TEX11: variants seen among roughly 807,000 people sequenced by gnomAD.
TEX11 encodes testis expressed 11.
TEX11 carries 7 observed loss-of-function variants against 84.4 expected under a neutral mutation model. That is an observed-to-expected ratio of 0.08 (90% CI 0.05 to 0.16). TEX11 has a LOEUF of 0.16. TEX11 is among the 10% of genes least tolerant of loss of function. TEX11 has a pLI of 1.00. For missense variants in TEX11, 551 were observed against 660.5 expected, an observed-to-expected ratio of 0.83 and a Z score of 1.82; for synonymous variants, 264 against 222.8, an observed-to-expected ratio of 1.18 and a Z score of -1.64.
Position 70,743,871 on chromosome X carries a change from AACACACACACAC to A in TEX11, c.747+282_747+293del, listed in dbSNP as rs60520158. On this transcript the variant is annotated intron_variant, in intron 10 of 29. Coordinates refer to ENST00000374333, the MANE Select transcript of TEX11 (RefSeq NM_031276.3). ...GCAACAGAGCGAGACTCTATCTCAA[AACACACACACAC>A]ACACACACACACACACACACACACA... Among the ~76,000 whole-genome samples the A allele has an allele frequency of 8.7e-4, 76 of 87,732 alleles. 1 individual carries two copies. The highest frequency in any genetic ancestry group is 3.0e-3 in the African/African-American group (73 of 24,372). 76.2% of individuals were successfully genotyped at this position (87,732 alleles called of 115,157 possible).
At chrX:70,649,021 T>C (rs912655879) in intron 17 of TEX11, among the ~76,000 whole-genome samples, 1 of 111,557 alleles carries the variant, frequency 9.0e-6, no homozygotes, top group African/African-American at 3.3e-5. Flanking sequence ...TCCAGCTTCA[T>C]CCATGTGCCT....
At chrX:70,805,579 T>C (rs1251601692) in intron 9 of TEX11, among the ~76,000 whole-genome samples, 1 of 110,923 alleles carries the variant, frequency 9.0e-6, no homozygotes, top group Non-Finnish European at 1.9e-5. Context: ...TTTTGTATTT[T>C]TAGTAGAGAT....
At position 70,879,967 on chromosome X, in the gene TEX11, CAG is replaced by C; in HGVS notation, c.159+19_159+20del. 1 of 1,141,663 alleles carries C rather than the reference CAG, an allele frequency of 8.8e-7. No homozygotes were observed. Among genetic ancestry groups the C allele is most frequent in the Non-Finnish European group, 1.2e-6 (1 of 854,049 alleles). 94.1% of individuals were successfully genotyped at this position (1,141,663 alleles called of 1,213,427 possible). On this transcript the variant is annotated intron_variant, in intron 3 of 29. Coordinates refer to ENST00000374333, the MANE Select transcript of TEX11 (RefSeq NM_031276.3). ...AAGAATCATCGAAACTTATCATAAA[CAG>C]AATTATTTTTATACTAACCTGAATG...
intron 25 of TEX11, among the ~76,000 whole-genome samples, chrX:70,560,596 G>A (rs184109108): frequency 2.3e-4 from 25 of 111,075 alleles, no homozygotes; most frequent in African/African-American, 6.2e-4. Flanking sequence ...TTTTCTCAAC[G>A]GTATCTTTTG....
rs1038281679 is a variant in TEX11, at chrX:70,780,376, C to T, written c.692+26329G>A. Among the ~76,000 whole-genome samples the T allele has an allele frequency of 8.9e-5, 10 of 112,767 alleles. No individual in the cohort carries two copies. The South Asian group carries it at 1.1e-3, about 12-fold the overall frequency. ...AAATAGGAAGAGCTCTGCTCTGCAG[C>T]GCCCAGCGTGATCGACGCAGAAGAT... is the stretch of plus-strand genomic sequence containing the variant. On this transcript the variant is annotated intron_variant, in intron 9 of 29. Coordinates refer to ENST00000374333, the MANE Select transcript of TEX11 (RefSeq NM_031276.3).
At chrX:70,885,713 G>A (rs903069889) in intron 2 of TEX11, among the ~76,000 whole-genome samples, 1 of 109,709 alleles carries the variant, frequency 9.1e-6, no homozygotes, top group African/African-American at 3.3e-5. Flanking sequence ...GCAACATGGT[G>A]AAACCCCGTC....
chrX:70,709,812 T>C (rs2090410110), intron 13 of TEX11, among the ~76,000 whole-genome samples: 2 of 111,394 alleles, frequency 1.8e-5, no homozygotes, highest in South Asian at 7.5e-4. Context: ...CTGGTCTTTC[T>C]TTTTACTTGA....
intron 11 of TEX11, among the ~76,000 whole-genome samples, chrX:70,729,330 G>C (rs1037907192): frequency 3.6e-5 from 4 of 111,545 alleles, no homozygotes; most frequent in African/African-American, 9.7e-5. Flanking sequence ...TTGACGAGTT[G>C]AGAGAAGGCT....
chrX:70,740,296 T>C (rs1404047628), intron 11 of TEX11, among the ~76,000 whole-genome samples: 1 of 111,237 alleles, frequency 9.0e-6, no homozygotes, highest in Non-Finnish European at 1.9e-5. Flanking sequence ...GAGGGCCTGC[T>C]TACTCAAAGA....
At chrX:70,731,674 C>G (rs1451501380) in intron 11 of TEX11, among the ~76,000 whole-genome samples, 1 of 110,843 alleles carries the variant, frequency 9.0e-6, no homozygotes, top group African/African-American at 3.3e-5. Context: ...AGCTTACCAA[C>G]CAAAAAAAGT....
rs1274337940 is a variant in TEX11 at position 70,593,124 on chromosome X, A to G, written c.2068-1301T>C. Among the ~76,000 whole-genome samples, 8 of 109,617 alleles carry G rather than the reference A, an allele frequency of 7.3e-5. No individual in the cohort carries two copies. In the East Asian group the frequency reaches 2.3e-3, roughly 32 times the overall value. On this transcript the variant is annotated intron_variant, in intron 24 of 29. Coordinates refer to ENST00000374333, the MANE Select transcript of TEX11 (RefSeq NM_031276.3). ...ACACGCACACACACAGTAATCACCT[A>G]GCAATTAGTCAAGACTAACAGCTGG...
intron 25 of TEX11, among the ~76,000 whole-genome samples, chrX:70,587,096 C>A (rs903327124): frequency 1.8e-5 from 2 of 111,872 alleles, no homozygotes; most frequent in Non-Finnish European, 3.8e-5. Flanking sequence ...GAGAGACGAT[C>A]TGAAATTGGA....
At chrX:70,710,691 C>A (rs1412505960) in intron 13 of TEX11, among the ~76,000 whole-genome samples, 1 of 110,490 alleles carries the variant, frequency 9.1e-6, no homozygotes, top group Non-Finnish European at 1.9e-5. Flanking sequence ...GAATCTGCAT[C>A]TTAACATGAT....
intron 9 of TEX11, among the ~76,000 whole-genome samples, chrX:70,805,515 C>T (rs918764826): frequency 6.3e-5 from 7 of 110,597 alleles, no homozygotes; most frequent in East Asian, 2.8e-4. Context: ...ATTCTCCTGC[C>T]TCAGCCTCCC....
chrX:70,823,993 C>T (rs1256363591), intron 8 of TEX11, among the ~76,000 whole-genome samples: 2 of 111,401 alleles, frequency 1.8e-5, no homozygotes, highest in Non-Finnish European at 3.8e-5. Flanking sequence ...GCACTCCAGC[C>T]TGGGCGACAT....
In TEX11 at chrX:70,725,247, A is replaced by G. The variant is rs1023615629; in HGVS notation, c.925+15T>C. 8.7e-7 allele frequency: 1 copy of G among 1,145,162 alleles called. No individual in the cohort carries two copies. The highest frequency in any genetic ancestry group is 2.3e-5 in the Admixed American group (1 of 43,507). 94.4% of individuals were successfully genotyped at this position (1,145,162 alleles called of 1,213,427 possible). A position where few individuals can be genotyped will look rare whatever the true frequency, so the allele number is the denominator to read the frequency against. On this transcript the variant is annotated intron_variant, in intron 12 of 29. Coordinates refer to ENST00000374333, the MANE Select transcript of TEX11 (RefSeq NM_031276.3). The stretch of plus-strand genomic sequence containing the variant: ...TGTTTCAAAATGGTGTGCTCTTCAC[A>G]TACAGAGATCATACCTTCAAGGAGT...
chrX:70,853,224 A>G (rs1266070307), intron 6 of TEX11, 24 bp downstream of exon 6: 2 of 1,207,232 alleles, frequency 1.7e-6, no homozygotes, highest in Non-Finnish European at 2.2e-6. Context: ...TAATTGCCTC[A>G]GCTAAAAGTC....
rs1016457771 is a variant in TEX11 at position 70,585,008 on chromosome X, C to T, written c.2140+6743G>A. On this transcript the variant is annotated intron_variant, in intron 25 of 29. Transcript: ENST00000374333. ...TATTCAACATTGTACAGGAAGTTTG[C>T]TATTCAACATTGTACGGGAAGTTTT... 3.6e-5 allele frequency among the ~76,000 whole-genome samples: 4 copies of T among 111,900 alleles called. No homozygotes were observed. In the South Asian group the frequency reaches 1.5e-3, roughly 42 times the overall value.
intron 25 of TEX11, among the ~76,000 whole-genome samples, chrX:70,568,695 A>G (rs888307970): frequency 1.8e-5 from 2 of 111,303 alleles, no homozygotes; most frequent in East Asian, 2.8e-4. Flanking sequence ...GAAATTCTGC[A>G]TTGAAAATTC....
Sources: allele counts gnomAD v4.1 joint callset (sites outside exome capture counted in the v4.1 genomes callset), GRCh38; gene constraint gnomAD v4.1.1; transcripts MANE v1.5; gene names NCBI Gene and HGNC (gene_info 2026-07-23, HGNC 2026-07-21).